Variants in SYCP1 observed in about 807,000 individuals in gnomAD.
SYCP1 encodes synaptonemal complex protein 1.
Under a neutral mutation model 153.1 loss-of-function variants are expected in SYCP1, and 64 were observed. The observed-to-expected ratio is 0.42, with a 90% CI of 0.34 to 0.51. SYCP1 has a LOEUF of 0.51. Ranked by LOEUF, SYCP1 falls within the 20% of genes least tolerant of loss-of-function variation. The pLI, the probability that SYCP1 is intolerant of heterozygous loss-of-function variation, is 0.06. For synonymous variants in SYCP1, 384 were observed against 341.8 expected (o/e 1.12, Z -1.36); for missense variants, 997 against 1,049.0 (o/e 0.95, Z 0.68).
At chr1:114,956,568 A>G (rs988030175) in intron 27 of SYCP1, among the ~76,000 whole-genome samples, 2 of 152,138 alleles carry the variant, frequency 1.3e-5, no homozygotes, top group Non-Finnish European at 2.9e-5. Flanking sequence ...TGCACTTGAC[A>G]TCCTATCTTG....
At chr1:114,870,046 G>A (rs1665014491) in intron 8 of SYCP1, among the ~76,000 whole-genome samples, 1 of 151,970 alleles carries the variant, frequency 6.6e-6, no homozygotes, top group Non-Finnish European at 1.5e-5. Context: ...CAGGGTCTTG[G>A]TCTGTTACCC....
chr1:114,935,406 A>C (rs1196355321), intron 23 of SYCP1, among the ~76,000 whole-genome samples: 10 of 152,376 alleles, frequency 6.6e-5, no homozygotes, highest in Non-Finnish European at 1.5e-4. Flanking sequence ...CATTTAAAGC[A>C]GTGTGTAGAG....
At chr1:114,922,096 C>A (rs1051692445) in intron 20 of SYCP1, among the ~76,000 whole-genome samples, 1 of 152,042 alleles carries the variant, frequency 6.6e-6, no homozygotes, top group East Asian at 1.9e-4. Context: ...TTTTTAAGTG[C>A]CTTAAGGAAG....
chr1:114,860,931 T>G, intron 8 of SYCP1, 122 bp downstream of exon 8: 1 of 651,162 alleles, frequency 1.5e-6, no homozygotes, highest in Middle Eastern at 4.3e-4. Flanking sequence ...TATATGTGCC[T>G]CAGACTATTT....
rs1458958277 is a variant in SYCP1 at position 114,944,408 on chromosome 1, A to G, written c.1996A>G (p.Lys666Glu). The change falls in exon 24 of 32, where the codon AAA becomes GAA. Residue 666 changes from lysine to glutamate, a missense_variant. Lys to Glu is a moderately conservative substitution (Grantham distance 56, BLOSUM62 1). Transcript: ENST00000369522. ...TGGAGAAATCACAGACACCTATCAG[A>G]AAGAAATTGAGGACAAAAAGATATC... ...KFGEITDTYQ[K>E]EIEDKKISEE... 6.2e-7 allele frequency: 1 copy of G among 1,606,346 alleles called. No homozygotes were observed. Among genetic ancestry groups the G allele is most frequent in the Non-Finnish European group, 8.5e-7 (1 of 1,176,646 alleles).
At chr1:114,930,389 C>T (rs1406083844) in intron 23 of SYCP1, among the ~76,000 whole-genome samples, 3 of 151,500 alleles carry the variant, frequency 2.0e-5, no homozygotes, top group African/African-American at 4.8e-5. Flanking sequence ...TTGAAAATAT[C>T]AATAAAGCTG....
chr1:114,917,077 A>G (rs1668554037), intron 20 of SYCP1, among the ~76,000 whole-genome samples: 1 of 152,024 alleles, frequency 6.6e-6, no homozygotes, highest in Non-Finnish European at 1.5e-5. Context: ...TTGTGCTATT[A>G]AATACTAGAT....
At chr1:114,951,383 A>G (rs1671096112) in intron 27 of SYCP1, among the ~76,000 whole-genome samples, 1 of 152,242 alleles carries the variant, frequency 6.6e-6, no homozygotes, top group African/African-American at 2.4e-5. Flanking sequence ...AAACTAAAAT[A>G]TACATATTAT....
At chr1:114,981,827 C>A (rs921699228) in intron 29 of SYCP1, among the ~76,000 whole-genome samples, 2 of 151,964 alleles carry the variant, frequency 1.3e-5, no homozygotes, top group Admixed American at 6.6e-5. Flanking sequence ...AACTTAATGT[C>A]ATCTTGGGCA....
rs561266009 is a variant in SYCP1, at chr1:114,934,493, T to C, written c.1926+7930T>C. ...AAGACCATCGATGCTAGGAAGAAAC[T>C]GCATCAAATAACGAGCAAAATAACC... is the stretch of plus-strand genomic sequence containing the variant. On this transcript the variant is annotated intron_variant, in intron 23 of 31. Transcript: ENST00000369522. Among the ~76,000 whole-genome samples, 7 of 152,274 alleles carry C rather than the reference T, an allele frequency of 4.6e-5. No individual in the cohort carries two copies. In the East Asian group the frequency reaches 1.3e-3, roughly 29 times the overall value.
chr1:114,902,567 C>T (rs1173096946), intron 16 of SYCP1, among the ~76,000 whole-genome samples: 1 of 150,410 alleles, frequency 6.6e-6, no homozygotes, highest in Non-Finnish European at 1.5e-5. Flanking sequence ...TCATCCCCCA[C>T]CCCGCAAACG....
At position 114,984,743 on chromosome 1, in the gene SYCP1, C is replaced by A. The variant is rs150731809; in HGVS notation, c.2578C>A (p.Pro860Thr). The A allele has an allele frequency of 3.4e-6, 5 of 1,474,592 alleles. No homozygotes were observed. Among genetic ancestry groups the A allele is most frequent in the East Asian group, 2.5e-5 (1 of 39,376 alleles). 91.3% of individuals were successfully genotyped at this position (1,474,592 alleles called of 1,614,324 possible). ...TGGATAGGCATATACAGTGAAGACA[C>A]CAACAAAACCAAAACTACAGCAAAG... ...PLPKAYTVKT[P>T]TKPKLQQREN... Residue 860 changes from proline (P) to threonine (T), a missense_variant, in exon 30 of 32, where the codon CCA becomes ACA. Physicochemically the swap from Pro to Thr is conservative, Grantham distance 38. Coordinates refer to ENST00000369522, the MANE Select transcript of SYCP1 (RefSeq NM_003176.4).
chr1:114,939,555 G>A (rs376139577), intron 23 of SYCP1, among the ~76,000 whole-genome samples: 1 of 152,242 alleles, frequency 6.6e-6, no homozygotes, highest in South Asian at 2.1e-4. Flanking sequence ...TGTTTGTCAT[G>A]ATTTCATTTA....
intron 16 of SYCP1, among the ~76,000 whole-genome samples, chr1:114,909,491 G>T (rs1398514970): frequency 5.4e-4 from 22 of 40,674 alleles, no homozygotes; most frequent in African/African-American, 7.1e-4. Context: ...TCTCTCCCTT[G>T]CTGTACACAC....
chr1:114,970,601 G>T (rs1672423926), intron 27 of SYCP1, among the ~76,000 whole-genome samples: 1 of 152,094 alleles, frequency 6.6e-6, no homozygotes, highest in African/African-American at 2.4e-5. Context: ...CCCATGGGGT[G>T]ATCCCTTGAT....
At chr1:114,939,457 T>G (rs1670246121) in intron 23 of SYCP1, among the ~76,000 whole-genome samples, 1 of 152,200 alleles carries the variant, frequency 6.6e-6, no homozygotes, top group African/African-American at 2.4e-5. Flanking sequence ...GGAATACTAC[T>G]CAGAAGTAAA....
intron 12 of SYCP1, 48 bp downstream of exon 12, chr1:114,878,250 G>A (rs756805631): frequency 4.3e-6 from 5 of 1,171,220 alleles, no homozygotes; most frequent in Non-Finnish European, 5.0e-6. Flanking sequence ...TATTCCTCTT[G>A]TTATGTTCTA....
chr1:114,958,243 T>A (rs1671557964), intron 27 of SYCP1, among the ~76,000 whole-genome samples: 1 of 151,870 alleles, frequency 6.6e-6, no homozygotes, highest in African/African-American at 2.4e-5. Context: ...AAAAATTATC[T>A]CATGGAGGTA....
At chr1:114,909,637 G>C (rs899002692) in intron 16 of SYCP1, among the ~76,000 whole-genome samples, 5 of 151,974 alleles carry the variant, frequency 3.3e-5, no homozygotes, top group Admixed American at 2.6e-4. Context: ...AAAGCTAAAA[G>C]ACTGCTTCTA....
Sources: allele counts gnomAD v4.1 joint callset (sites outside exome capture counted in the v4.1 genomes callset), GRCh38; gene constraint gnomAD v4.1.1; transcripts MANE v1.5; gene names NCBI Gene and HGNC (gene_info 2026-07-23, HGNC 2026-07-21).